Variants in GLIS3 observed in about 807,000 individuals in gnomAD.
GLIS3 encodes the protein zinc finger protein GLIS3.
In GLIS3, 53 loss-of-function variants were observed where a neutral mutation model predicts 78.6. The ratio of observed to expected loss-of-function variants is 0.67; its 90% CI spans 0.54 to 0.85. The LOEUF (loss-of-function observed/expected upper bound fraction) is 0.85, where lower values mean the gene tolerates loss of function less well. Among genes scored for constraint, GLIS3 ranks in the 40% least tolerant of loss-of-function variants. GLIS3 has a pLI of 0.00. For synonymous variants in GLIS3, 684 were observed against 509.9 expected (o/e 1.34, Z -4.60); for missense variants, 1,703 against 1,231.1 (o/e 1.38, Z -5.74).
chr9:4,419,422 G>A, the GLIS3 span, among the ~76,000 whole-genome samples: 1 of 152,138 alleles, frequency 6.6e-6, no homozygotes. Context: ...GAGGCCTCAG[G>A]AAACCTACCA....
intron 4 of GLIS3, chr9:4,305,352 C>T (rs1817201458): frequency 1.3e-5 from 2 of 152,194 alleles, no homozygotes; most frequent in Admixed American, 6.5e-5. Context: ...GGTTCCTAAA[C>T]CACGGGGAAC....
chr9:4,237,732 T>C (rs1371999968), intron 2 of GLIS3, among the ~76,000 whole-genome samples: 2 of 152,194 alleles, frequency 1.3e-5, no homozygotes, highest in Non-Finnish European at 2.9e-5. Flanking sequence ...TGCAGTATTT[T>C]CCCCACTGTT....
At chr9:4,474,757 C>CA in the GLIS3 span, among the ~76,000 whole-genome samples, 5 of 146,034 alleles carry the variant, frequency 3.4e-5, no homozygotes, top group Non-Finnish European at 7.4e-5. Context: ...AGTGCAGTGG[C>CA]ATGAACATGG....
At chr9:3,905,430 G>A (rs895676730) in intron 6 of GLIS3, among the ~76,000 whole-genome samples, 3 of 151,954 alleles carry the variant, frequency 2.0e-5, no homozygotes, top group Non-Finnish European at 4.4e-5. Flanking sequence ...TGCCCTTTAG[G>A]GAAAGCGGTC....
chr9:4,312,478 A>T (rs1231795508), intron 2 of GLIS3, among the ~76,000 whole-genome samples: 1 of 152,190 alleles, frequency 6.6e-6, no homozygotes, highest in Non-Finnish European at 1.5e-5. Context: ...AAAAAGAAAA[A>T]AACTTTCCAG....
the GLIS3 span, among the ~76,000 whole-genome samples, chr9:4,370,706 AAATAT>A: frequency 2.3e-3 from 347 of 151,360 alleles, 1 homozygote; most frequent in African/African-American, 7.0e-3. Flanking sequence ...GTAATAAATA[AAATAT>A]ATTATTTTTA....
chr9:4,480,041 C>T, the GLIS3 span, among the ~76,000 whole-genome samples: 7 of 150,526 alleles, frequency 4.7e-5, no homozygotes, highest in South Asian at 1.3e-3. Flanking sequence ...GGATTGTAGG[C>T]GTGAGCCACG....
the GLIS3 span, among the ~76,000 whole-genome samples, chr9:4,453,451 C>T: frequency 6.6e-6 from 1 of 151,472 alleles, no homozygotes; most frequent in Non-Finnish European, 1.5e-5. Context: ...GGCTAATATC[C>T]AGAATCTACA....
intron 2 of GLIS3, among the ~76,000 whole-genome samples, chr9:4,269,321 A>T (rs961755842): frequency 6.6e-6 from 1 of 152,180 alleles, no homozygotes; most frequent in African/African-American, 2.4e-5. Flanking sequence ...AAATCATGTG[A>T]CAAGACCTGT....
chr9:4,240,962 TGTGTGTGTGTAC>T (rs1823251346), intron 2 of GLIS3, among the ~76,000 whole-genome samples: 2 of 152,090 alleles, frequency 1.3e-5, no homozygotes, highest in Non-Finnish European at 2.9e-5. Flanking sequence ...TGAGTGTGTG[TGTGTGTGTGTAC>T]GTGTGTACAT....
chr9:4,485,981 C>A, the GLIS3 span, among the ~76,000 whole-genome samples: 30 of 152,164 alleles, frequency 2.0e-4, no homozygotes, highest in Non-Finnish European at 1.8e-4. Context: ...CTTGGCCTCC[C>A]AAAGAGGTGG....
chr9:3,908,711 T>TTG (rs201709308), intron 6 of GLIS3, among the ~76,000 whole-genome samples: 5,773 of 130,520 alleles, frequency 0.044, 138 homozygotes, highest in Middle Eastern at 0.067. Context: ...TATTTGTTTT[T>TTG]TTTTTTTTTT....
the GLIS3 span, among the ~76,000 whole-genome samples, chr9:4,447,050 A>AT: frequency 5.8e-4 from 86 of 148,446 alleles, no homozygotes; most frequent in Middle Eastern, 3.4e-3. Context: ...ATAATGCTTA[A>AT]TTTTTTTTTT....
At chr9:4,236,198 A>AT (rs1822726082) in intron 2 of GLIS3, among the ~76,000 whole-genome samples, 2 of 147,338 alleles carry the variant, frequency 1.4e-5, no homozygotes, top group African/African-American at 5.0e-5. Context: ...AAAAAAAAAA[A>AT]AAAAAAAAAG....
intron 7 of GLIS3, among the ~76,000 whole-genome samples, chr9:3,889,812 A>G (rs1438857245): frequency 6.6e-6 from 1 of 152,166 alleles, no homozygotes; most frequent in Non-Finnish European, 1.5e-5. Flanking sequence ...AAATCTTAAA[A>G]CCATCCTTAG....
chr9:4,287,882 T>C (rs1179578513), intron 1 of GLIS3, among the ~76,000 whole-genome samples: 1 of 152,256 alleles, frequency 6.6e-6, no homozygotes, highest in African/African-American at 2.4e-5. Flanking sequence ...TTGAGGAAAT[T>C]CAAAAGTAAT....
the GLIS3 span, among the ~76,000 whole-genome samples, chr9:4,375,001 C>A: frequency 6.6e-6 from 1 of 152,062 alleles, no homozygotes; most frequent in African/African-American, 2.4e-5. Context: ...TTCAACCCCC[C>A]TACTGTTGGA....
At chr9:4,208,937 G>C (rs1488509772) in intron 2 of GLIS3, among the ~76,000 whole-genome samples, 2 of 152,162 alleles carry the variant, frequency 1.3e-5, no homozygotes, top group Non-Finnish European at 2.9e-5. Context: ...AGGAGGTCTG[G>C]ATCCCCAGCT....
At chr9:4,044,136 G>A (rs1285427487) in intron 4 of GLIS3, among the ~76,000 whole-genome samples, 1 of 152,148 alleles carries the variant, frequency 6.6e-6, no homozygotes, top group Non-Finnish European at 1.5e-5. Context: ...ATGCCCATCA[G>A]AAAGGACATG....
Sources: gnomAD v4.1 joint callset for allele counts (sites outside exome capture counted in the v4.1 genomes callset) on GRCh38, gnomAD v4.1.1 for gene constraint, MANE v1.5 for transcripts, NCBI Gene and HGNC (gene_info 2026-07-23, HGNC 2026-07-21) for gene names.